Variants in SPMIP7 observed in about 807,000 individuals in gnomAD.
SPMIP7 encodes protein SPMIP7.
At chr7:50,126,712 T>C in the SPMIP7 span, among the ~76,000 whole-genome samples, 1 of 152,042 alleles carries the variant, frequency 6.6e-6, no homozygotes, top group Non-Finnish European at 1.5e-5. Flanking sequence ...AATGCAAATA[T>C]TCACTTACCA....
chr7:50,107,903 A>G, the SPMIP7 span, among the ~76,000 whole-genome samples: 1 of 152,360 alleles, frequency 6.6e-6, no homozygotes, highest in East Asian at 1.9e-4. Context: ...CAGGAAGAAC[A>G]TAAGAATGGA....
chr7:50,156,831 G>A, the SPMIP7 span, among the ~76,000 whole-genome samples: 1 of 152,120 alleles, frequency 6.6e-6, no homozygotes, highest in Non-Finnish European at 1.5e-5. Flanking sequence ...CCCCAGCGGA[G>A]TCTCCCTGTG....
the SPMIP7 span, among the ~76,000 whole-genome samples, chr7:50,116,350 G>A: frequency 2.0e-5 from 3 of 152,138 alleles, no homozygotes; most frequent in Non-Finnish European, 4.4e-5. Flanking sequence ...CCTGAGCTTA[G>A]GCAGTCTGCC....
chr7:50,107,147 G>C, the SPMIP7 span, among the ~76,000 whole-genome samples: 1 of 151,988 alleles, frequency 6.6e-6, no homozygotes, highest in Non-Finnish European at 1.5e-5. Flanking sequence ...CCTGAGGTCA[G>C]GAGTTTGAAA....
the SPMIP7 span, among the ~76,000 whole-genome samples, chr7:50,145,618 G>GTATATATATATATA: frequency 3.6e-4 from 10 of 27,678 alleles, no homozygotes; most frequent in South Asian, 2.6e-3. Context: ...ATATGTGTGT[G>GTATATATATATATA]TATATATATA....
the SPMIP7 span, among the ~76,000 whole-genome samples, chr7:50,138,603 A>AAATTTAAAGC: frequency 6.6e-6 from 1 of 152,244 alleles, no homozygotes; most frequent in Non-Finnish European, 1.5e-5. Flanking sequence ...AATCCAAATT[A>AAATTTAAAGC]AATTTAAAGC....
the SPMIP7 span, among the ~76,000 whole-genome samples, chr7:50,147,410 G>A: frequency 6.6e-6 from 1 of 152,124 alleles, no homozygotes; most frequent in Admixed American, 6.5e-5. Flanking sequence ...CTCTGTGTCA[G>A]TTTCTCCATC....
At chr7:50,134,297 A>T in the SPMIP7 span, 3 of 1,450,634 alleles carry the variant, frequency 2.1e-6, no homozygotes, top group South Asian at 4.2e-5. Context: ...TATTGAAATG[A>T]GTTCTAAAAC....
At chr7:50,159,177 G>T in the SPMIP7 span, 1 of 1,550,514 alleles carries the variant, frequency 6.4e-7, no homozygotes, top group Non-Finnish European at 8.7e-7. Flanking sequence ...TAGAGGAGGC[G>T]GCCCTGCGCG....
chr7:50,101,296 G>A, the SPMIP7 span, among the ~76,000 whole-genome samples: 1 of 152,222 alleles, frequency 6.6e-6, no homozygotes, highest in Non-Finnish European at 1.5e-5. Context: ...TCCTGTGAAA[G>A]ACCAACCTAT....
chr7:50,151,326 GAA>G, the SPMIP7 span: 2 of 741,592 alleles, frequency 2.7e-6, no homozygotes, highest in Non-Finnish European at 4.2e-6. Context: ...CCTCATACAG[GAA>G]AAAAAAAATT....
the SPMIP7 span, among the ~76,000 whole-genome samples, chr7:50,146,032 G>A: frequency 2.0e-5 from 3 of 152,124 alleles, no homozygotes; most frequent in Non-Finnish European, 4.4e-5. Flanking sequence ...TGGAAAAGGG[G>A]GCTTCCCTGT....
At chr7:50,110,604 C>A in the SPMIP7 span, among the ~76,000 whole-genome samples, 1 of 137,792 alleles carries the variant, frequency 7.3e-6, no homozygotes. Context: ...ATAGTATATA[C>A]TAATATTTAT....
At chr7:50,112,521 AT>A in the SPMIP7 span, among the ~76,000 whole-genome samples, 1 of 58,816 alleles carries the variant, frequency 1.7e-5, no homozygotes, top group African/African-American at 5.3e-5. Context: ...GAAAAGAAAA[AT>A]AAAAAAATGA....
the SPMIP7 span, among the ~76,000 whole-genome samples, chr7:50,155,279 A>G: frequency 2.0e-5 from 3 of 152,348 alleles, no homozygotes; most frequent in Admixed American, 6.5e-5. Context: ...CAATGTCAAG[A>G]CACATTTTGA....
chr7:50,150,792 C>T, the SPMIP7 span, among the ~76,000 whole-genome samples: 1 of 152,204 alleles, frequency 6.6e-6, no homozygotes. Flanking sequence ...TGAAGAACGG[C>T]TTCTTCACTC....
At chr7:50,105,642 T>G in the SPMIP7 span, among the ~76,000 whole-genome samples, 2 of 152,224 alleles carry the variant, frequency 1.3e-5, no homozygotes, top group Admixed American at 1.3e-4. Context: ...TTACTCAAGA[T>G]GTCACACACA....
At chr7:50,099,873 C>T in the SPMIP7 span, among the ~76,000 whole-genome samples, 4 of 152,140 alleles carry the variant, frequency 2.6e-5, no homozygotes, top group Non-Finnish European at 5.9e-5. Flanking sequence ...GCTACCTTCT[C>T]CATCTTCCCC....
chr7:50,158,638 T>G, the SPMIP7 span, among the ~76,000 whole-genome samples: 1 of 152,082 alleles, frequency 6.6e-6, no homozygotes, highest in Non-Finnish European at 1.5e-5. Context: ...TCTACTACCC[T>G]CTGGGTGAGG....
Sources: gnomAD v4.1 joint callset for allele counts (sites outside exome capture counted in the v4.1 genomes callset) on GRCh38, gnomAD v4.1.1 for gene constraint, MANE v1.5 for transcripts, NCBI Gene and HGNC (gene_info 2026-07-23, HGNC 2026-07-21) for gene names.